DPP6: variants seen among roughly 807,000 people sequenced by gnomAD.
DPP6 encodes A-type potassium channel modulatory protein DPP6.
DPP6 carries 69 observed loss-of-function variants against 122.6 expected under a neutral mutation model. The observed-to-expected ratio is 0.56, with a 90% CI of 0.46 to 0.69. The LOEUF is 0.69. DPP6 is among the 30% of genes least tolerant of loss of function. The pLI is 0.00. For synonymous variants in DPP6, 418 were observed against 433.1 expected, an observed-to-expected ratio of 0.97 and a Z score of 0.43; for missense variants, 928 against 1,116.9, an observed-to-expected ratio of 0.83 and a Z score of 2.41.
intron 1 of DPP6, among the ~76,000 whole-genome samples, chr7:153,888,917 A>G (rs900817405): frequency 1.3e-5 from 2 of 152,144 alleles, no homozygotes; most frequent in Non-Finnish European, 2.9e-5. Context: ...GAACCCAGGC[A>G]GTGGTGCATT....
intron 1 of DPP6, among the ~76,000 whole-genome samples, chr7:154,062,318 C>A (rs1217310774): frequency 1.5e-5 from 1 of 66,424 alleles, no homozygotes; most frequent in East Asian, 3.8e-4. Context: ...GGACCCCCAT[C>A]GCAGGAGGGG....
chr7:154,551,150 A>G (rs1159449120), intron 4 of DPP6, among the ~76,000 whole-genome samples: 4 of 152,226 alleles, frequency 2.6e-5, no homozygotes, highest in Non-Finnish European at 5.9e-5. Context: ...TAAGTTTCAA[A>G]TGAGTTCAAT....
chr7:154,441,108 A>C (rs1013783335), intron 1 of DPP6, among the ~76,000 whole-genome samples: 4 of 152,162 alleles, frequency 2.6e-5, no homozygotes, highest in Non-Finnish European at 5.9e-5. Context: ...GCATCACTTT[A>C]CTGTGGAGTC....
At chr7:154,019,862 G>A (rs1798614960) in intron 1 of DPP6, among the ~76,000 whole-genome samples, 4 of 152,180 alleles carry the variant, frequency 2.6e-5, no homozygotes, top group Admixed American at 2.6e-4. Context: ...TCTATTAAGT[G>A]CAGTTTTTCC....
At chr7:153,935,204 G>A (rs564934718) in intron 1 of DPP6, among the ~76,000 whole-genome samples, 4 of 152,062 alleles carry the variant, frequency 2.6e-5, no homozygotes, top group Non-Finnish European at 4.4e-5. Context: ...GGAGCTGCAG[G>A]TCAGCAGACA....
chr7:154,342,057 G>T (rs1292605982), intron 1 of DPP6, among the ~76,000 whole-genome samples: 1 of 152,194 alleles, frequency 6.6e-6, no homozygotes, highest in East Asian at 1.9e-4. Flanking sequence ...GGGAGAAAAT[G>T]TTGGCACAGC....
intron 3 of DPP6, among the ~76,000 whole-genome samples, chr7:154,534,301 T>C (rs114906793): frequency 0.013 from 2,012 of 152,280 alleles, 49 homozygotes; most frequent in African/African-American, 0.046. Context: ...AAAAGTTCAA[T>C]GCTTTCTGCC....
intron 16 of DPP6, among the ~76,000 whole-genome samples, chr7:154,814,506 C>T (rs182921869): frequency 3.4e-4 from 51 of 152,212 alleles, no homozygotes; most frequent in Admixed American, 1.5e-3. Context: ...ACTGGGGATG[C>T]CCAGGACAGG....
intron 1 of DPP6, among the ~76,000 whole-genome samples, chr7:154,019,579 C>T (rs1798602117): frequency 6.6e-6 from 1 of 152,050 alleles, no homozygotes; most frequent in Non-Finnish European, 1.5e-5. Flanking sequence ...ATCATTCTTT[C>T]TCCAGAGATG....
At chr7:154,797,809 A>AT (rs1798132416) in intron 12 of DPP6, among the ~76,000 whole-genome samples, 1 of 152,212 alleles carries the variant, frequency 6.6e-6, no homozygotes, top group Admixed American at 6.5e-5. Flanking sequence ...TACCTCAACG[A>AT]TTTTTTAAAA....
At chr7:154,437,946 TAAAAA>T (rs1819006772) in intron 1 of DPP6, among the ~76,000 whole-genome samples, 1 of 151,034 alleles carries the variant, frequency 6.6e-6, no homozygotes, top group Admixed American at 6.6e-5. Context: ...AAAAATAACA[TAAAAA>T]TAAAATAAAA....
rs151193876 is a variant in DPP6, at chr7:154,307,065, G to A, written c.244-139149G>A. ...ACCATGGGAGAGAAGTAATAATTAC[G>A]AAAGAGTGCATTGCTGTTCATAGGT... On this transcript the variant is annotated intron_variant, in intron 1 of 25. Coordinates refer to ENST00000377770, the MANE Select transcript of DPP6 (RefSeq NM_130797.4). Among the ~76,000 whole-genome samples, 612 of 152,240 alleles carry A rather than the reference G, an allele frequency of 4.0e-3. 7 individuals carry two copies. The highest frequency in any genetic ancestry group is 0.014 in the African/African-American group (578 of 41,540).
At chr7:153,767,371 T>TTTGTTG in the DPP6 span, among the ~76,000 whole-genome samples, 3 of 151,848 alleles carry the variant, frequency 2.0e-5, no homozygotes, top group Non-Finnish European at 2.9e-5. Flanking sequence ...TGAGAAACTT[T>TTTGTTG]TTGTTGTTGT....
chr7:153,824,058 G>T, the DPP6 span, among the ~76,000 whole-genome samples: 1 of 152,142 alleles, frequency 6.6e-6, no homozygotes, highest in African/African-American at 2.4e-5. Context: ...TCTCTGGGTG[G>T]TCCTCCCTTT....
chr7:154,507,318 G>A (rs1054477630), intron 3 of DPP6, among the ~76,000 whole-genome samples: 2 of 151,950 alleles, frequency 1.3e-5, no homozygotes, highest in African/African-American at 4.8e-5. Flanking sequence ...TGTGCAGAAT[G>A]TGCATGTTTG....
chr7:153,875,988 T>C, the DPP6 span, among the ~76,000 whole-genome samples: 1 of 137,784 alleles, frequency 7.3e-6, no homozygotes, highest in African/African-American at 2.7e-5. Context: ...GTAGGCAAAA[T>C]AAAATTGGCA....
rs374596418 is a variant in DPP6, at chr7:154,362,497, G to A, written c.244-83717G>A. On this transcript the variant is annotated intron_variant, in intron 1 of 25. Transcript: ENST00000377770. ...TGGCACCATCTTGGCTCACCACAAC[G>A]TCTGCTTCCTGGGTTCAAGCGATTC... Among the ~76,000 whole-genome samples, 6 of 152,078 alleles carry A rather than the reference G, an allele frequency of 3.9e-5. No individual in the cohort carries two copies. The South Asian group carries it at 8.3e-4, about 21-fold the overall frequency.
chr7:154,678,994 G>T (rs937012494), intron 7 of DPP6, among the ~76,000 whole-genome samples: 1 of 152,142 alleles, frequency 6.6e-6, no homozygotes, highest in Non-Finnish European at 1.5e-5. Context: ...TGGGTTAATC[G>T]TCTGAGAATG....
chr7:154,351,427 A>G (rs1810846854), intron 1 of DPP6, among the ~76,000 whole-genome samples: 1 of 152,186 alleles, frequency 6.6e-6, no homozygotes, highest in Non-Finnish European at 1.5e-5. Context: ...CCAGGAGCCA[A>G]AAATAGCAGC....
Sources: allele counts gnomAD v4.1 joint callset (sites outside exome capture counted in the v4.1 genomes callset), GRCh38; gene constraint gnomAD v4.1.1; transcripts MANE v1.5; gene names NCBI Gene and HGNC (gene_info 2026-07-23, HGNC 2026-07-21).